BCL11A: variants seen among roughly 807,000 people sequenced by gnomAD.
BCL11A encodes the protein BCL11 transcription factor A.
BCL11A carries 2 observed loss-of-function variants against 55.9 expected under a neutral mutation model. That is an observed-to-expected ratio of 0.04 (90% CI 0.01 to 0.11). BCL11A has a LOEUF of 0.11. Ranked by LOEUF, BCL11A falls within the 10% of genes least tolerant of loss-of-function variation. BCL11A has a pLI of 1.00. For missense variants in BCL11A, 817 were observed against 1,137.1 expected (o/e 0.72, Z 4.05); for synonymous variants, 465 against 473.4 (o/e 0.98, Z 0.23).
intron 1 of BCL11A, among the ~76,000 whole-genome samples, chr2:60,549,302 G>C (rs898966116): frequency 1.3e-5 from 2 of 152,154 alleles, no homozygotes; most frequent in African/African-American, 4.8e-5. Context: ...GGTAAGGAGC[G>C]AGCAAAACGA....
At chr2:60,550,087 AG>A (rs1209896668) in intron 1 of BCL11A, among the ~76,000 whole-genome samples, 1 of 151,902 alleles carries the variant, frequency 6.6e-6, no homozygotes, top group Non-Finnish European at 1.5e-5. Context: ...CATGGGGGTG[AG>A]GGGGTGGAAG....
intron 2 of BCL11A, among the ~76,000 whole-genome samples, chr2:60,498,776 A>G (rs1411984502): frequency 1.3e-5 from 2 of 152,232 alleles, no homozygotes; most frequent in Non-Finnish European, 2.9e-5. Flanking sequence ...CCAGACTGCC[A>G]GTTCTCTGAG....
At chr2:60,467,262 TG>T (rs1435891459) in intron 3 of BCL11A, among the ~76,000 whole-genome samples, 1 of 112,416 alleles carries the variant, frequency 8.9e-6, no homozygotes. Context: ...ATGGTGGTGG[TG>T]GTGATGGTGG....
At chr2:60,514,139 TCTCTGAGAGGCTTCCAGGCTGGAG>T (rs1255595684) in intron 2 of BCL11A, among the ~76,000 whole-genome samples, 15 of 152,060 alleles carry the variant, frequency 9.9e-5, no homozygotes, top group Non-Finnish European at 1.5e-4. Flanking sequence ...CTCCAAGCAC[TCTCTGAGAGGCTTCCAGGCTGGAG>T]CTCTGAGAGG....
In BCL11A at chr2:60,468,811, G is replaced by T; in HGVS notation, c.408C>A (p.Gly136=). 6.2e-7 allele frequency: 1 copy of T among 1,607,290 alleles called. No individual in the cohort carries two copies. Among genetic ancestry groups the T allele is most frequent in the Non-Finnish European group, 8.5e-7 (1 of 1,178,006 alleles). Reference sequence around the variant, plus strand: ...CATGTGCAGAACGAGGGGAGGAGAGGCCCCTCCAGTGCAGAAGTTTATCTG... The same window carrying T: ...CATGTGCAGAACGAGGGGAGGAGAGTCCCCTCCAGTGCAGAAGTTTATCTG... The part of the protein sequence containing the change: ...HIADKLLHWR[G]LSSPRSAHGA... Residue 136 remains glycine (G), a synonymous_variant, in exon 3 of 4, where the codon GGC becomes GGA. Transcript: ENST00000642384.
chr2:60,463,768 C>G (rs1424300287), intron 3 of BCL11A, among the ~76,000 whole-genome samples: 1 of 150,868 alleles, frequency 6.6e-6, no homozygotes, highest in African/African-American at 2.4e-5. Context: ...AGCCAAAGGA[C>G]GAGGATGAGA....
At position 60,458,273 on chromosome 2, in the gene BCL11A, T is replaced by TGTTTTTTTTTTTTACA; in HGVS notation, c.*2115_*2130dup. 1 of 1,023,190 alleles carries TGTTTTTTTTTTTTACA rather than the reference T, an allele frequency of 9.8e-7. No individual in the cohort carries two copies. The allele number at this position is 1,023,190 out of a possible 1,614,324, so 63.4% of individuals were successfully genotyped here. A position where few individuals can be genotyped will look rare whatever the true frequency, so the allele number is the denominator to read the frequency against. ...TAATCTTAAACCTTTCCCCAATGTATGTTTTTTTTTTTTACAACCTGAAGA... is the reference window on the plus strand; with the variant it reads ...TAATCTTAAACCTTTCCCCAATGTATGTTTTTTTTTTTTACAGTTTTTTTTTTTTACAACCTGAAGA... On this transcript the variant is annotated 3_prime_UTR_variant, in exon 4 of 4. Coordinates refer to ENST00000642384, the MANE Select transcript of BCL11A (RefSeq NM_022893.4).
intron 2 of BCL11A, among the ~76,000 whole-genome samples, chr2:60,477,397 A>C (rs1677670902): frequency 6.6e-6 from 1 of 152,170 alleles, no homozygotes; most frequent in Non-Finnish European, 1.5e-5. Context: ...CCTCTATATT[A>C]TCATTTCGAT....
rs1451919706 is a variant in BCL11A, at chr2:60,458,415, G to A, written c.*1989C>T. On this transcript the variant is annotated 3_prime_UTR_variant, in exon 4 of 4. Coordinates refer to ENST00000642384, the MANE Select transcript of BCL11A (RefSeq NM_022893.4). The stretch of plus-strand genomic sequence containing the variant: ...GCAGTTCCCCCCTAAACATAATGAA[G>A]TGTTTTTTAAAAAAAATTTTTCTTA... 6.9e-6 allele frequency: 7 copies of A among 1,018,298 alleles called. No individual in the cohort carries two copies. The East Asian group carries it at 2.6e-4, about 38-fold the overall frequency. 63.1% of individuals were successfully genotyped at this position (1,018,298 alleles called of 1,614,324 possible).
At chr2:60,466,341 C>CGT (rs1487489094) in intron 3 of BCL11A, among the ~76,000 whole-genome samples, 4 of 152,130 alleles carry the variant, frequency 2.6e-5, no homozygotes, top group African/African-American at 9.7e-5. Flanking sequence ...AAAGTGGCTC[C>CGT]GTTTCCACAG....
intron 2 of BCL11A, chr2:60,535,378 G>A (rs1669622962): frequency 6.6e-6 from 1 of 152,136 alleles, no homozygotes; most frequent in African/African-American, 2.4e-5. Flanking sequence ...ACAAACAGAG[G>A]CTGCAAACAT....
chr2:60,470,915 C>T (rs1386527459), intron 2 of BCL11A, among the ~76,000 whole-genome samples: 1 of 152,084 alleles, frequency 6.6e-6, no homozygotes, highest in Non-Finnish European at 1.5e-5. Context: ...AGTGACTTGC[C>T]CATGGCTACA....
At chr2:60,542,218 G>A (rs1669954022) in intron 2 of BCL11A, 1 of 222,252 alleles carries the variant, frequency 4.5e-6, no homozygotes, top group African/African-American at 2.3e-5. Context: ...TATAGGACTT[G>A]TCATATTTTT....
chr2:60,533,607 A>G (rs960020337), intron 2 of BCL11A: 1 of 152,188 alleles, frequency 6.6e-6, no homozygotes, highest in African/African-American at 2.4e-5. Context: ...AGATTTCATC[A>G]TATCTTAGTA....
chr2:60,486,102 T>A (rs1388785473), intron 2 of BCL11A, among the ~76,000 whole-genome samples: 2 of 152,080 alleles, frequency 1.3e-5, no homozygotes, highest in African/African-American at 4.8e-5. Flanking sequence ...AGGTCAAGAG[T>A]AGAGAACTGT....
chr2:60,467,138 T>TGGTGGTGATGATGGTGGTGGTAG lies in BCL11A; in HGVS notation c.487+1593_487+1594insCTACCACCACCATCATCACCACC, dbSNP rs1676687968. ...GGTGGTGGTGGTGGTGATGGTGGTG[T>TGGTGGTGATGATGGTGGTGGTAG]TGGTGGTGATGGTGGTGGTGGTGGT... On this transcript the variant is annotated intron_variant, in intron 3 of 3. Coordinates refer to ENST00000642384, the MANE Select transcript of BCL11A (RefSeq NM_022893.4). Among the ~76,000 whole-genome samples the TGGTGGTGATGATGGTGGTGGTAG allele has an allele frequency of 2.6e-3, 159 of 61,814 alleles. 2 individuals carry two copies. The highest frequency in any genetic ancestry group is 8.3e-3 in the African/African-American group (132 of 15,836). The allele number at this position is 61,814 out of a possible 152,430, so 40.6% of individuals were successfully genotyped here.
chr2:60,553,072 C>G (rs951778224), intron 1 of BCL11A, 144 bp downstream of exon 1: 1 of 828,486 alleles, frequency 1.2e-6, no homozygotes, highest in African/African-American at 1.8e-5. Context: ...CCCTTTATCT[C>G]TTTTACCTCG....
At chr2:60,452,702 A>G (rs1275602642), downstream of BCL11A, 25 of 1,524,496 alleles carry the variant, frequency 1.6e-5, no homozygotes, top group Non-Finnish European at 2.2e-5. Context: ...GGGGGAAAAA[A>G]AAAGTACAGG....
chr2:60,551,078 C>G (rs930873981), intron 1 of BCL11A, among the ~76,000 whole-genome samples: 2 of 152,142 alleles, frequency 1.3e-5, no homozygotes, highest in Non-Finnish European at 2.9e-5. Context: ...GTGCGCACCC[C>G]CCACCACCAC....
Sources: gnomAD v4.1 joint callset for allele counts (sites outside exome capture counted in the v4.1 genomes callset) on GRCh38, gnomAD v4.1.1 for gene constraint, MANE v1.5 for transcripts, NCBI Gene and HGNC (gene_info 2026-07-23, HGNC 2026-07-21) for gene names.